The following TENM3 variants were observed in gnomAD, a reference collection of about 807,000 sequenced individuals.
TENM3 encodes the protein teneurin transmembrane protein 3.
A neutral mutation model predicts 255.1 loss-of-function variants in TENM3; 63 were observed. That is an observed-to-expected ratio of 0.25 (90% CI 0.20 to 0.30). TENM3 has a LOEUF of 0.30. TENM3 is among the 10% of genes least tolerant of loss of function. TENM3 has a pLI of 1.00. For missense variants in TENM3, 2,929 were observed against 3,461.1 expected (o/e 0.85, Z 3.86); for synonymous variants, 1,306 against 1,322.3 (o/e 0.99, Z 0.27).
At chr4:181,562,697 A>G in the TENM3 span, among the ~76,000 whole-genome samples, 1 of 128,700 alleles carries the variant, frequency 7.8e-6, no homozygotes, top group Non-Finnish European at 1.7e-5. Flanking sequence ...TTTTTTTGAG[A>G]TGGAGTTTCA....
chr4:181,532,488 A>C, the TENM3 span, among the ~76,000 whole-genome samples: 1 of 152,312 alleles, frequency 6.6e-6, no homozygotes, highest in Non-Finnish European at 1.5e-5. Context: ...GGTGAGTTTT[A>C]GGTGCCAAAG....
intron 3 of TENM3, among the ~76,000 whole-genome samples, chr4:182,542,633 C>G (rs956963072): frequency 5.9e-5 from 9 of 152,144 alleles, no homozygotes; most frequent in African/African-American, 1.9e-4. Flanking sequence ...TTCAAAGGGA[C>G]AAGCCCTGGG....
the TENM3 span, among the ~76,000 whole-genome samples, chr4:181,491,210 A>G: frequency 6.6e-6 from 1 of 152,080 alleles, no homozygotes; most frequent in African/African-American, 2.4e-5. Context: ...TATATTAAAC[A>G]GGAAAGATTA....
intron 3 of TENM3, among the ~76,000 whole-genome samples, chr4:182,552,253 T>C (rs909076122): frequency 2.6e-5 from 4 of 152,060 alleles, no homozygotes; most frequent in Non-Finnish European, 4.4e-5. Context: ...CTGGGCAACG[T>C]AGTAGATGCC....
intron 12 of TENM3, among the ~76,000 whole-genome samples, chr4:182,688,760 G>A (rs1336742224): frequency 6.6e-6 from 1 of 152,154 alleles, no homozygotes; most frequent in Non-Finnish European, 1.5e-5. Context: ...GGCCTCTGTA[G>A]TTTCCAGAAT....
At chr4:181,994,935 C>T in the TENM3 span, among the ~76,000 whole-genome samples, 689 of 152,106 alleles carry the variant, frequency 4.5e-3, 6 homozygotes, top group African/African-American at 0.016. Context: ...TAAAGCAGAG[C>T]GATTACGATT....
At chr4:182,298,143 C>T (rs1034051072) in intron 1 of TENM3, among the ~76,000 whole-genome samples, 1 of 152,190 alleles carries the variant, frequency 6.6e-6, no homozygotes, top group Non-Finnish European at 1.5e-5. Context: ...CACCTGTCGC[C>T]ACTTATAATT....
chr4:181,948,437 A>G, the TENM3 span, among the ~76,000 whole-genome samples: 4 of 152,078 alleles, frequency 2.6e-5, no homozygotes, highest in African/African-American at 7.2e-5. Context: ...TGTTTTTAAG[A>G]TGGAGTCTGG....
chr4:181,898,781 T>TG, the TENM3 span, among the ~76,000 whole-genome samples: 2 of 152,194 alleles, frequency 1.3e-5, no homozygotes, highest in Non-Finnish European at 2.9e-5. Context: ...CCAAACTTTC[T>TG]GCTTGTAATA....
chr4:182,195,027 A>T (rs1490704162), intron 1 of TENM3, among the ~76,000 whole-genome samples: 21 of 17,944 alleles, frequency 1.2e-3, no homozygotes, highest in Non-Finnish European at 1.7e-3. Flanking sequence ...TCTCTATCAC[A>T]CACACACACA....
chr4:181,605,554 GAAAGAAAGAA>G, the TENM3 span, among the ~76,000 whole-genome samples: 96 of 28,194 alleles, frequency 3.4e-3, 9 homozygotes, highest in South Asian at 5.2e-3. Flanking sequence ...AAGAAAGAAA[GAAAGAAAGAA>G]AGAAAGAGAG....
intron 3 of TENM3, among the ~76,000 whole-genome samples, chr4:182,501,831 T>G (rs1326709373): frequency 6.6e-6 from 1 of 152,204 alleles, no homozygotes; most frequent in Non-Finnish European, 1.5e-5. Context: ...AGCCATAGAT[T>G]GTACTCAAAT....
At chr4:181,757,038 T>C in the TENM3 span, among the ~76,000 whole-genome samples, 1 of 152,178 alleles carries the variant, frequency 6.6e-6, no homozygotes, top group African/African-American at 2.4e-5. Flanking sequence ...TATGTTGCTG[T>C]AAGAATAGGT....
chr4:182,643,611 A>G (rs895219718), intron 5 of TENM3, among the ~76,000 whole-genome samples: 7 of 152,232 alleles, frequency 4.6e-5, no homozygotes, highest in African/African-American at 1.7e-4. Flanking sequence ...ATTTAAAGCC[A>G]GAATTCAGAC....
chr4:181,862,240 C>A, the TENM3 span, among the ~76,000 whole-genome samples: 1 of 152,064 alleles, frequency 6.6e-6, no homozygotes, highest in Non-Finnish European at 1.5e-5. Context: ...CGCACACACA[C>A]ACACTTTTCT....
chr4:182,174,422 A>G (rs1456955201), intron 1 of TENM3, among the ~76,000 whole-genome samples: 1 of 141,470 alleles, frequency 7.1e-6, no homozygotes, highest in Non-Finnish European at 1.5e-5. Flanking sequence ...ATAGCTGCCT[A>G]CTTTTGTAGG....
chr4:181,526,471 G>A, the TENM3 span, among the ~76,000 whole-genome samples: 2 of 152,070 alleles, frequency 1.3e-5, no homozygotes, highest in East Asian at 1.9e-4. Context: ...GTTTTATAAC[G>A]TGATTGAAAT....
the TENM3 span, among the ~76,000 whole-genome samples, chr4:181,882,127 G>A: frequency 9.9e-5 from 15 of 152,130 alleles, no homozygotes; most frequent in African/African-American, 2.7e-4. Flanking sequence ...CCCCCCGTTC[G>A]CCTGCAGAGT....
At chr4:182,206,874 C>T (rs1754618158) in intron 1 of TENM3, among the ~76,000 whole-genome samples, 1 of 152,150 alleles carries the variant, frequency 6.6e-6, no homozygotes, top group African/African-American at 2.4e-5. Context: ...AATTCCCGTT[C>T]TTTCTTTCTC....
Sources: allele counts gnomAD v4.1 joint callset (sites outside exome capture counted in the v4.1 genomes callset), GRCh38; gene constraint gnomAD v4.1.1; transcripts MANE v1.5; gene names NCBI Gene and HGNC (gene_info 2026-07-23, HGNC 2026-07-21).